Variants in ERCC6 observed in about 807,000 individuals in gnomAD.
ERCC6 encodes ERCC excision repair 6, chromatin remodeling factor, also known as DNA excision repair protein ERCC-6.
Under a neutral mutation model 158.7 loss-of-function variants are expected in ERCC6, and 116 were observed. That is an observed-to-expected ratio of 0.73 (90% confidence interval 0.63 to 0.85). ERCC6 has a LOEUF of 0.85. Among genes scored for constraint, ERCC6 ranks in the 40% least tolerant of loss-of-function variants. The pLI, the probability that ERCC6 is intolerant of heterozygous loss-of-function variation, is 0.00. For missense variants in ERCC6, 1,698 were observed against 1,799.4 expected (o/e 0.94, Z 1.02); for synonymous variants, 678 against 659.3 (o/e 1.03, Z -0.43).
chr10:49,470,543 A>G lies in ERCC6; in HGVS notation c.3417T>C (p.Ser1139=), dbSNP rs769081319. ...CAATGCTTTCATCACCAGATGGCATAGAAGTTTTGCCTGTTCCTGAAGAAT... is the reference window on the plus strand; with the variant it reads ...CAATGCTTTCATCACCAGATGGCATGGAAGTTTTGCCTGTTCCTGAAGAAT... ...CSNSSGTGKT[S]MPSGDESIDE... Residue 1139 remains serine, a synonymous_variant, in exon 18 of 21, where the codon TCT becomes TCC. Transcript: ENST00000355832. 2 of 1,614,214 alleles carry G rather than the reference A, an allele frequency of 1.2e-6. No homozygotes were observed. The highest frequency in any genetic ancestry group is 1.7e-6 in the Non-Finnish European group (2 of 1,180,030).
intron 2 of ERCC6, 104 bp from the exon 3 acceptor site, chr10:49,530,944 C>T (rs1837456116): frequency 3.4e-6 from 5 of 1,486,010 alleles, no homozygotes; most frequent in Non-Finnish European, 4.5e-6. Flanking sequence ...TTCTTATTAA[C>T]TAAAAGATAA....
intron 1 of ERCC6, among the ~76,000 whole-genome samples, chr10:49,537,778 G>A (rs1381057360): frequency 6.6e-6 from 1 of 151,526 alleles, no homozygotes; most frequent in Non-Finnish European, 1.5e-5. Flanking sequence ...TGCAACCTCC[G>A]CCAGGCTCCG....
At chr10:49,506,217 T>C (rs1851440172) in intron 5 of ERCC6, 1 of 597,448 alleles carries the variant, frequency 1.7e-6, no homozygotes, top group African/African-American at 1.9e-5. Flanking sequence ...TTATGTAAAT[T>C]ATTATAGCTG....
At chr10:49,459,303 G>A in intron 20 of ERCC6, 69 bp from the exon 21 acceptor site, 3 of 1,542,188 alleles carry the variant, frequency 1.9e-6, no homozygotes, top group Non-Finnish European at 2.7e-6. Flanking sequence ...CTTCCCCAAA[G>A]GCTGTGAAGG....
rs1764722528 is a variant in ERCC6, at chr10:49,524,767, T to C, written c.663A>G (p.Pro221=). The part of the protein sequence containing the change: ...ASLEEDAEPG[P]SSLGSMLMPV... The stretch of plus-strand genomic sequence containing the variant: ...GCATGAGCATGCTGCCAAGACTGGA[T>C]GGCCCCGGCTCTGAAAGAACAATAG... Residue 221 remains proline (P), a synonymous_variant, in exon 5 of 21, where the codon CCA becomes CCG. Coordinates refer to ENST00000355832, the MANE Select transcript of ERCC6 (RefSeq NM_000124.4). The C allele has an allele frequency of 1.9e-6, 3 of 1,601,974 alleles. No individual in the cohort carries two copies. The highest frequency in any genetic ancestry group is 1.3e-5 in the African/African-American group (1 of 74,922).
At chr10:49,506,290 T>C (rs542603571) in intron 5 of ERCC6, 15 of 453,874 alleles carry the variant, frequency 3.3e-5, no homozygotes, top group South Asian at 4.9e-5. Flanking sequence ...TCTTCTGGCA[T>C]ACCCTAAGGG....
chr10:49,490,353 T>G (rs568705667), intron 8 of ERCC6, among the ~76,000 whole-genome samples: 2 of 104,750 alleles, frequency 1.9e-5, no homozygotes, highest in African/African-American at 3.9e-5. Context: ...AATGAAAAAT[T>G]TTCCTTTTTT....
At chr10:49,531,182 ATGC>A (rs1837460935) in intron 2 of ERCC6, among the ~76,000 whole-genome samples, 1 of 152,234 alleles carries the variant, frequency 6.6e-6, no homozygotes, top group Non-Finnish European at 1.5e-5. Flanking sequence ...ACATGAAAAA[ATGC>A]ATACATGGGT....
intron 18 of ERCC6, among the ~76,000 whole-genome samples, chr10:49,464,237 A>G (rs1850632309): frequency 6.6e-6 from 1 of 152,250 alleles, no homozygotes; most frequent in Admixed American, 6.5e-5. Flanking sequence ...ATGTTTTAGC[A>G]AAGAGACAGG....
chr10:49,527,859 C>T (rs1169900192), intron 4 of ERCC6, among the ~76,000 whole-genome samples: 4 of 152,206 alleles, frequency 2.6e-5, no homozygotes, highest in East Asian at 1.9e-4. Context: ...CACACACACA[C>T]ACATACACAC....
At position 49,530,569 on chromosome 10, in the gene ERCC6, T is replaced by G. The variant is rs1218475308; in HGVS notation, c.543+151A>C. The stretch of plus-strand genomic sequence containing the variant: ...TGTTAAAGGAAAACAGCAGAAAGAT[T>G]AAACATACAAAAGAAACCCAAAATT... On this transcript the variant is annotated intron_variant, in intron 3 of 20. Coordinates refer to ENST00000355832, the MANE Select transcript of ERCC6 (RefSeq NM_000124.4). 3.2e-6 allele frequency: 4 copies of G among 1,251,294 alleles called. No homozygotes were observed. The African/African-American group carries it at 6.1e-5, about 19-fold the overall frequency. The allele number at this position is 1,251,294 out of a possible 1,614,324, so 77.5% of individuals were successfully genotyped here.
intron 4 of ERCC6, chr10:49,525,021 T>G: frequency 1.2e-6 from 1 of 857,788 alleles, no homozygotes; most frequent in Non-Finnish European, 1.7e-6. Flanking sequence ...TATTTCACTA[T>G]AAATATACTC....
intron 3 of ERCC6, 99 bp downstream of exon 3, chr10:49,530,621 T>G: frequency 6.5e-7 from 1 of 1,546,272 alleles, no homozygotes; most frequent in Non-Finnish European, 8.7e-7. Context: ...AAGTATTTGC[T>G]TCACATCTTA....
chr10:49,470,833 C>G lies in ERCC6; in HGVS notation c.3127G>C (p.Ala1043Pro). The change falls in exon 18 of 21, where the codon GCC (alanine) becomes CCC (proline). Residue 1043 changes from alanine to proline, a missense_variant. Coordinates refer to ENST00000355832, the MANE Select transcript of ERCC6 (RefSeq NM_000124.4). Reference protein sequence around the residue: ...KCHLKRRIQPAFGADHDVPKR... With the variant: ...KCHLKRRIQPPFGADHDVPKR... ...GGAACATCATGGTCTGCTCCAAAGG[C>G]TGGTTGAATCCTTCTTTTTAGATGG... 1 of 1,614,148 alleles carries G rather than the reference C, an allele frequency of 6.2e-7. No homozygotes were observed. The highest frequency in any genetic ancestry group is 1.1e-5 in the South Asian group (1 of 91,076).
At chr10:49,525,019 T>A in intron 4 of ERCC6, 1 of 879,470 alleles carries the variant, frequency 1.1e-6, no homozygotes, top group Non-Finnish European at 1.6e-6. Context: ...AATATTTCAC[T>A]ATAAATATAC....
chr10:49,520,714 C>A (rs942201691), intron 5 of ERCC6, among the ~76,000 whole-genome samples: 1 of 152,194 alleles, frequency 6.6e-6, no homozygotes, highest in African/African-American at 2.4e-5. Context: ...TCGGAGCCCC[C>A]TGAATAGACT....
rs1850498386 is a variant in ERCC6 at position 49,457,247 on chromosome 10, T to C, written c.*1568A>G. On this transcript the variant is annotated 3_prime_UTR_variant, in exon 21 of 21. Coordinates refer to ENST00000355832, the MANE Select transcript of ERCC6 (RefSeq NM_000124.4). Reference sequence around the variant, plus strand: ...GACTTATTGGCCTATTTAAAAATTCTTTCTATGACTTCTAAACAATGATGG... The same window carrying C: ...GACTTATTGGCCTATTTAAAAATTCCTTCTATGACTTCTAAACAATGATGG... 6.6e-6 allele frequency: 1 copy of C among 152,222 alleles called. No individual in the cohort carries two copies. Among genetic ancestry groups the C allele is most frequent in the South Asian group, 2.1e-4 (1 of 4,832 alleles). The allele number at this position is 152,222 out of a possible 1,614,324, so 9.4% of individuals were successfully genotyped here.
chr10:49,479,483 A>C (rs1257866772), intron 10 of ERCC6, among the ~76,000 whole-genome samples: 1 of 151,400 alleles, frequency 6.6e-6, no homozygotes, highest in Non-Finnish European at 1.5e-5. Flanking sequence ...CATAAAAAAG[A>C]AGCTCAACTA....
rs182753700 is a variant in ERCC6, at chr10:49,472,330, A to C, written c.2924+46T>G. On this transcript the variant is annotated intron_variant, in intron 16 of 20. Transcript: ENST00000355832. ...ACACTTTGGAAAAATTCCCTGCTCA[A>C]GACTCTGGGAACGCACAGCCAAGAG... 84 of 1,533,522 alleles carry C rather than the reference A, an allele frequency of 5.5e-5. No homozygotes were observed. In the Admixed American group the frequency reaches 9.5e-4, roughly 17 times the overall value. 95.0% of individuals were successfully genotyped at this position (1,533,522 alleles called of 1,614,324 possible).
Sources: allele counts gnomAD v4.1 joint callset (sites outside exome capture counted in the v4.1 genomes callset), GRCh38; gene constraint gnomAD v4.1.1; transcripts MANE v1.5; gene names NCBI Gene and HGNC (gene_info 2026-07-23, HGNC 2026-07-21).